GDAP1: variants seen among roughly 807,000 people sequenced by gnomAD.
GDAP1 encodes the protein ganglioside-induced differentiation-associated protein 1.
Under a neutral mutation model 40.1 loss-of-function variants are expected in GDAP1, and 34 were observed. That is an observed-to-expected ratio of 0.85 (90% confidence interval 0.64 to 1.13). The LOEUF (loss-of-function observed/expected upper bound fraction) is 1.13, where lower values mean the gene tolerates loss of function less well. GDAP1 is among the 50% of genes most tolerant of loss of function. The pLI is 0.00. For synonymous variants in GDAP1, 170 were observed against 157.4 expected (o/e 1.08, Z -0.60); for missense variants, 374 against 433.7 (o/e 0.86, Z 1.22).
intron 2 of GDAP1, among the ~76,000 whole-genome samples, chr8:74,384,917 A>G (rs1425421745): frequency 6.6e-6 from 1 of 152,220 alleles, no homozygotes; most frequent in Non-Finnish European, 1.5e-5. Flanking sequence ...ACTAAAAAGT[A>G]TACTAAGGAA....
At chr8:74,371,925 C>T (rs1220287513) in intron 2 of GDAP1, among the ~76,000 whole-genome samples, 1 of 148,958 alleles carries the variant, frequency 6.7e-6, no homozygotes, top group African/African-American at 2.5e-5. Context: ...CCTCCCCCCC[C>T]ACCCCATGAC....
intron 2 of GDAP1, among the ~76,000 whole-genome samples, chr8:74,485,825 TA>T (rs1168232604): frequency 6.6e-6 from 1 of 152,036 alleles, no homozygotes; most frequent in Non-Finnish European, 1.5e-5. Flanking sequence ...GATGGGGGAT[TA>T]GGGGGAGTGT....
At chr8:74,462,237 G>T (rs1422096038) in intron 2 of GDAP1, among the ~76,000 whole-genome samples, 1 of 152,100 alleles carries the variant, frequency 6.6e-6, no homozygotes, top group African/African-American at 2.4e-5. Context: ...TCCTGGCTGG[G>T]CTGGGCTACT....
At chr8:74,363,556 G>C (rs896482755) in intron 5 of GDAP1, among the ~76,000 whole-genome samples, 16 of 152,336 alleles carry the variant, frequency 1.1e-4, no homozygotes, top group African/African-American at 3.8e-4. Context: ...TGTCACAAAA[G>C]CTCTTCTGCT....
At chr8:74,373,072 T>C (rs1809782965) in intron 2 of GDAP1, among the ~76,000 whole-genome samples, 1 of 152,252 alleles carries the variant, frequency 6.6e-6, no homozygotes, top group Non-Finnish European at 1.5e-5. Flanking sequence ...TGGTTGTAGA[T>C]GTATGGTACT....
chr8:74,444,872 T>A (rs1806208762), intron 2 of GDAP1, among the ~76,000 whole-genome samples: 1 of 152,218 alleles, frequency 6.6e-6, no homozygotes, highest in South Asian at 2.1e-4. Flanking sequence ...CCATTACCTC[T>A]ATTTTAAAAC....
intron 2 of GDAP1, among the ~76,000 whole-genome samples, chr8:74,352,628 G>A (rs960754116): frequency 1.3e-5 from 2 of 152,192 alleles, no homozygotes; most frequent in Admixed American, 6.5e-5. Context: ...TGTGATTGGC[G>A]GTTTTAATTA....
chr8:74,354,547 T>TG (rs1324775338), intron 2 of GDAP1, among the ~76,000 whole-genome samples: 2 of 152,092 alleles, frequency 1.3e-5, no homozygotes, highest in African/African-American at 4.8e-5. Flanking sequence ...TACAACAAAA[T>TG]GGAAAAATAA....
intron 1 of GDAP1, 85 bp downstream of exon 1, chr8:74,350,663 CG>C: frequency 1.1e-6 from 1 of 923,468 alleles, no homozygotes; most frequent in Non-Finnish European, 1.8e-6. Flanking sequence ...CCAGGGAAGC[CG>C]GTCCACCTAG....
At position 74,359,391 on chromosome 8, in the gene GDAP1, G is replaced by T. The variant is rs1248046421; in HGVS notation, c.311-746G>T. ...TAACAGAGAGCAGTACATGGTCCCT[G>T]CCCTCAAGGACTCTACAGTTTGGAT... On this transcript the variant is annotated intron_variant, in intron 2 of 5. Coordinates refer to ENST00000220822, the MANE Select transcript of GDAP1 (RefSeq NM_018972.4). Among the ~76,000 whole-genome samples, 5 of 152,202 alleles carry T rather than the reference G, an allele frequency of 3.3e-5. No individual in the cohort carries two copies. In the East Asian group the frequency reaches 9.6e-4, roughly 29 times the overall value.
intron 2 of GDAP1, among the ~76,000 whole-genome samples, chr8:74,391,198 C>T (rs900287872): frequency 5.3e-5 from 8 of 151,870 alleles, no homozygotes; most frequent in South Asian, 2.1e-4. Context: ...GGTTCGGTCT[C>T]GCTGGCATTC....
At chr8:74,426,997 C>T (rs753790500) in intron 2 of GDAP1, among the ~76,000 whole-genome samples, 6 of 152,170 alleles carry the variant, frequency 3.9e-5, no homozygotes, top group African/African-American at 1.2e-4. Flanking sequence ...TTCTTTGCAT[C>T]CGTACCTGTG....
At chr8:74,419,325 T>C (rs115497313) in intron 2 of GDAP1, among the ~76,000 whole-genome samples, 3,789 of 152,292 alleles carry the variant, frequency 0.025, 159 homozygotes, top group African/African-American at 0.087. Flanking sequence ...TCATATAATG[T>C]AATAGTTCTG....
At chr8:74,428,233 CAACAACAACAACAACAACAAT>C (rs1350654544) in intron 2 of GDAP1, among the ~76,000 whole-genome samples, 3 of 1,714 alleles carry the variant, frequency 1.8e-3, no homozygotes, top group Non-Finnish European at 0.016. Flanking sequence ...TTGCTAACAA[CAACAACAACAACAACAACAAT>C]AACAACAACA....
At chr8:74,382,171 GGCCACTTTAA>G (rs1809964466) in intron 2 of GDAP1, among the ~76,000 whole-genome samples, 1 of 151,888 alleles carries the variant, frequency 6.6e-6, no homozygotes, top group African/African-American at 2.4e-5. Flanking sequence ...TCCTATCTTT[GGCCACTTTAA>G]GCTATTCAAA....
At chr8:74,409,032 G>A (rs1233549713) in intron 2 of GDAP1, among the ~76,000 whole-genome samples, 1 of 149,892 alleles carries the variant, frequency 6.7e-6, no homozygotes, top group Non-Finnish European at 1.5e-5. Flanking sequence ...GTCATTTGGG[G>A]TACGTGTAAA....
chr8:74,371,972 A>G (rs553054616), intron 2 of GDAP1, among the ~76,000 whole-genome samples: 5 of 137,826 alleles, frequency 3.6e-5, no homozygotes, highest in African/African-American at 8.4e-5. Flanking sequence ...CCTGTGTCCA[A>G]GTGTTCTTAT....
chr8:74,444,682 T>C (rs1316849677), intron 2 of GDAP1, among the ~76,000 whole-genome samples: 1 of 152,148 alleles, frequency 6.6e-6, no homozygotes, highest in Non-Finnish European at 1.5e-5. Flanking sequence ...AAAACATATG[T>C]TGGGTTATGG....
At chr8:74,350,774 T>A (rs1808823165) in intron 1 of GDAP1, among the ~76,000 whole-genome samples, 196 bp downstream of exon 1, 1 of 152,234 alleles carries the variant, frequency 6.6e-6, no homozygotes, top group Non-Finnish European at 1.5e-5. Context: ...TGATCCTATG[T>A]GGCTATGGCC....
Sources: gnomAD v4.1 joint callset for allele counts (sites outside exome capture counted in the v4.1 genomes callset) on GRCh38, gnomAD v4.1.1 for gene constraint, MANE v1.5 for transcripts, NCBI Gene and HGNC (gene_info 2026-07-23, HGNC 2026-07-21) for gene names.